Variants in KCNH1 observed in about 807,000 individuals in gnomAD.
KCNH1 encodes voltage-gated delayed rectifier potassium channel KCNH1.
KCNH1 carries 27 observed loss-of-function variants against 69.2 expected under a neutral mutation model. That is an observed-to-expected ratio of 0.39 (90% CI 0.29 to 0.54). The LOEUF (loss-of-function observed/expected upper bound fraction) is 0.54, where lower values mean the gene tolerates loss of function less well. Ranked by LOEUF, KCNH1 falls within the 20% of genes least tolerant of loss-of-function variation. The probability of loss-of-function intolerance (pLI) is 0.68; values close to 1 mark genes in which losing one functional copy is unlikely to be tolerated. For missense variants in KCNH1, 798 were observed against 1,261.6 expected, an observed-to-expected ratio of 0.63 and a Z score of 5.57; for synonymous variants, 456 against 487.7, an observed-to-expected ratio of 0.93 and a Z score of 0.86.
chr1:211,114,401 T>C (rs536595988), intron 1 of KCNH1, among the ~76,000 whole-genome samples: 1 of 152,276 alleles, frequency 6.6e-6, no homozygotes, highest in East Asian at 1.9e-4. Context: ...CCCTTTGCTA[T>C]TCAGTAAGAT....
At chr1:211,034,356 T>C (rs59374111) in intron 5 of KCNH1, among the ~76,000 whole-genome samples, 53,742 of 151,702 alleles carry the variant, frequency 0.35, 9,900 homozygotes, top group Non-Finnish European at 0.38. Context: ...ATATATATAA[T>C]ATTCTTGAAA....
chr1:211,106,551 A>G (rs1433458586), intron 2 of KCNH1, among the ~76,000 whole-genome samples: 2 of 151,926 alleles, frequency 1.3e-5, no homozygotes, highest in African/African-American at 4.8e-5. Flanking sequence ...TGGGAGGCCA[A>G]GGCGGGCAGA....
At chr1:210,937,884 C>T (rs1687801508) in intron 6 of KCNH1, among the ~76,000 whole-genome samples, 1 of 152,230 alleles carries the variant, frequency 6.6e-6, no homozygotes, top group African/African-American at 2.4e-5. Flanking sequence ...AAGTCCTTTT[C>T]TAGAACTTCT....
chr1:210,692,680 AAC>A (rs1681551456), intron 10 of KCNH1, among the ~76,000 whole-genome samples: 1 of 152,178 alleles, frequency 6.6e-6, no homozygotes, highest in South Asian at 2.1e-4. Context: ...AAAAATGCAG[AAC>A]ACAGAGAAAG....
intron 6 of KCNH1, among the ~76,000 whole-genome samples, chr1:210,961,838 CAAAAAAAAAGAA>C (rs909066101): frequency 2.8e-5 from 3 of 107,970 alleles, no homozygotes; most frequent in African/African-American, 7.3e-5. Flanking sequence ...AAAACTGTCT[CAAAAAAAAAGAA>C]AAAAAAAAAG....
intron 7 of KCNH1, chr1:210,860,860 G>A (rs1685963074): frequency 1.1e-6 from 1 of 921,964 alleles, no homozygotes; most frequent in South Asian, 1.3e-5. Context: ...GCAAGCCCTT[G>A]CTCTCATGTA....
intron 6 of KCNH1, among the ~76,000 whole-genome samples, chr1:210,967,249 C>G (rs1481502393): frequency 6.6e-6 from 1 of 152,026 alleles, no homozygotes; most frequent in Non-Finnish European, 1.5e-5. Context: ...GTGCAGCAAG[C>G]CACCATGGCA....
rs370104064 is a variant in KCNH1 at position 210,784,117 on chromosome 1, G to A, written c.1916-8573C>T. ...GCAAGAATTAGTGAGGACTCAGAGCGTGCCAGGTTCAGGTGCCCAGCACCC... is the reference window on the plus strand; with the variant it reads ...GCAAGAATTAGTGAGGACTCAGAGCATGCCAGGTTCAGGTGCCCAGCACCC... On this transcript the variant is annotated intron_variant, in intron 9 of 10. Transcript: ENST00000271751. Among the ~76,000 whole-genome samples, 22 of 152,320 alleles carry A rather than the reference G, an allele frequency of 1.4e-4. No homozygotes were observed. The East Asian group carries it at 2.3e-3, about 16-fold the overall frequency.
At chr1:211,054,453 T>C (rs555334818) in intron 5 of KCNH1, among the ~76,000 whole-genome samples, 1 of 152,108 alleles carries the variant, frequency 6.6e-6, no homozygotes, top group Admixed American at 6.5e-5. Context: ...TACTCAAGGA[T>C]ATACTTCAGC....
intron 10 of KCNH1, among the ~76,000 whole-genome samples, chr1:210,714,301 T>C (rs1418228517): frequency 6.6e-6 from 1 of 152,196 alleles, no homozygotes; most frequent in African/African-American, 2.4e-5. Context: ...TTCACAGAAT[T>C]TTCCAAAACA....
chr1:211,088,859 T>A (rs901957885), intron 4 of KCNH1, among the ~76,000 whole-genome samples: 1 of 152,210 alleles, frequency 6.6e-6, no homozygotes, highest in East Asian at 1.9e-4. Context: ...ACCAAAACTC[T>A]TATCAGCAAA....
chr1:210,795,291 C>A (rs1466144630), intron 9 of KCNH1, among the ~76,000 whole-genome samples: 2 of 152,106 alleles, frequency 1.3e-5, no homozygotes, highest in African/African-American at 4.8e-5. Context: ...GGACCACAAG[C>A]ATATACCACC....
intron 10 of KCNH1, among the ~76,000 whole-genome samples, chr1:210,717,896 A>C (rs962683625): frequency 6.6e-6 from 1 of 152,168 alleles, no homozygotes; most frequent in Non-Finnish European, 1.5e-5. Flanking sequence ...ACTTGAGATC[A>C]AGAGCTTGAG....
rs1685983132 is a variant in KCNH1, at chr1:210,861,770, T to TTTTC, written c.1463-57605_1463-57604insGAAA. 3.9e-6 allele frequency: 3 copies of TTTTC among 773,324 alleles called. No homozygotes were observed. The African/African-American group carries it at 5.1e-5, about 13-fold the overall frequency. The allele number at this position is 773,324 out of a possible 1,614,324, so 47.9% of individuals were successfully genotyped here. On this transcript the variant is annotated intron_variant, in intron 7 of 10. Coordinates refer to ENST00000271751, the MANE Select transcript of KCNH1 (RefSeq NM_172362.3). ...TTTAGAACTGACAGAAAATGCTGCA[T>TTTTC]TGCTGCTACCAATGGACTCCACTCC... is the stretch of plus-strand genomic sequence containing the variant.
At chr1:210,869,923 G>C (rs145531966) in intron 7 of KCNH1, among the ~76,000 whole-genome samples, 1 of 152,208 alleles carries the variant, frequency 6.6e-6, no homozygotes, top group East Asian at 1.9e-4. Context: ...GTAGTTACAA[G>C]AGGAATGCTA....
At chr1:211,131,334 G>T (rs1205219671) in intron 1 of KCNH1, among the ~76,000 whole-genome samples, 1 of 152,160 alleles carries the variant, frequency 6.6e-6, no homozygotes, top group Non-Finnish European at 1.5e-5. Context: ...AGTCATAAAA[G>T]CTGGAGAAAT....
chr1:210,932,893 C>T (rs566861095), intron 6 of KCNH1, among the ~76,000 whole-genome samples: 36 of 152,154 alleles, frequency 2.4e-4, no homozygotes, highest in African/African-American at 8.4e-4. Context: ...AAAAGATAGA[C>T]CCCAATAAAA....
chr1:210,812,291 T>G (rs532176811), intron 7 of KCNH1, among the ~76,000 whole-genome samples: 1 of 152,272 alleles, frequency 6.6e-6, no homozygotes, highest in African/African-American at 2.4e-5. Flanking sequence ...AATATAGACT[T>G]TAACACCCTC....
At chr1:210,694,368 T>TC (rs1182668567) in intron 10 of KCNH1, among the ~76,000 whole-genome samples, 2 of 151,982 alleles carry the variant, frequency 1.3e-5, no homozygotes, top group Non-Finnish European at 2.9e-5. Flanking sequence ...TGCTTTTTTT[T>TC]CCCCTTAGTG....
Sources: allele counts gnomAD v4.1 joint callset (sites outside exome capture counted in the v4.1 genomes callset), GRCh38; gene constraint gnomAD v4.1.1; transcripts MANE v1.5; gene names NCBI Gene and HGNC (gene_info 2026-07-23, HGNC 2026-07-21).